KIR2DL3: variants seen among roughly 807,000 people sequenced by gnomAD.
KIR2DL3 encodes killer cell immunoglobulin like receptor, two Ig domains and long cytoplasmic tail 3.
KIR2DL3 carries 39 observed loss-of-function variants against 33.8 expected under a neutral mutation model. The observed-to-expected ratio is 1.15, with a 90% CI of 0.89 to 1.51. The LOEUF (loss-of-function observed/expected upper bound fraction) is 1.51, where lower values mean the gene tolerates loss of function less well. KIR2DL3 is among the 40% of genes most tolerant of loss of function. KIR2DL3 has a pLI of 0.00. For missense variants in KIR2DL3, 462 were observed against 426.2 expected (o/e 1.08, Z -0.74); for synonymous variants, 174 against 160.2 (o/e 1.09, Z -0.65).
In KIR2DL3 at chr19:54,752,435, A is replaced by G. The variant is rs746014940; in HGVS notation, c.942A>G (p.Arg314=). ...AQLNHCVFTQ[R]KITRPSQRPK... is the part of the protein sequence containing the mutation. ...TGAATCACTGCGTTTTCACACAGAGAAAAATCACTCGCCCTTCTCAGAGGC... is the reference window on the plus strand; with the variant it reads ...TGAATCACTGCGTTTTCACACAGAGGAAAATCACTCGCCCTTCTCAGAGGC... The change falls in exon 8 of 8, where the codon AGA becomes AGG. Residue 314 remains arginine, a synonymous_variant. Transcript: ENST00000342376. 27 of 1,467,338 alleles carry G rather than the reference A, an allele frequency of 1.8e-5. 5 individuals are homozygous for G. Among genetic ancestry groups the G allele is most frequent in the Non-Finnish European group, 4.6e-6 (5 of 1,078,392 alleles). 90.9% of individuals were successfully genotyped at this position (1,467,338 alleles called of 1,614,324 possible).
chr19:54,743,015 G>A (rs1442798251), intron 3 of KIR2DL3, among the ~76,000 whole-genome samples: 1 of 151,846 alleles, frequency 6.6e-6, no homozygotes, highest in African/African-American at 2.4e-5. Context: ...AATGATGGCA[G>A]GGAGCAGAGA....
chr19:54,744,954 A>ATATTTTT (rs1398407460), intron 4 of KIR2DL3, among the ~76,000 whole-genome samples: 12 of 31,270 alleles, frequency 3.8e-4, no homozygotes, highest in Non-Finnish European at 6.0e-4. Context: ...ATATATATAT[A>ATATTTTT]TTTTTTTTTT....
In KIR2DL3 at chr19:54,752,143, G is replaced by A. The variant is rs1375178132; in HGVS notation, c.821-73G>A. ...AGGCTCCTATGGTCTCCCCCTGTAT[G>A]TTGGTATCTGCTTATGAAATGAGGG... On this transcript the variant is annotated intron_variant, in intron 6 of 7. Transcript: ENST00000342376. The A allele has an allele frequency of 4.3e-6, 6 of 1,401,834 alleles. 1 individual carries two copies. The Admixed American group carries it at 1.1e-4, about 26-fold the overall frequency. 86.8% of individuals were successfully genotyped at this position (1,401,834 alleles called of 1,614,324 possible).
At chr19:54,743,552 C>T (rs1454080115) in intron 3 of KIR2DL3, among the ~76,000 whole-genome samples, 2 of 152,040 alleles carry the variant, frequency 1.3e-5, no homozygotes, top group Admixed American at 6.5e-5. Context: ...CAAGGAGAGT[C>T]AGAGAGAATA....
rs1341805707 is a variant in KIR2DL3 at position 54,744,088 on chromosome 19, G to C, written c.664G>C (p.Gly222Arg). The change falls in exon 4 of 8, where the codon GGA (glycine) becomes CGA (arginine). Residue 222 changes from glycine to arginine, a missense_variant and splice_region_variant. Transcript: ENST00000342376. ...SSDPLLVSVT[G>R]NPSNSWPSPT... ...TGACCCACTGCTTGTTTCTGTCACA[G>C]GTGAGGAAACCCCATATCTGTCTCA... The C allele has an allele frequency of 1.9e-6, 3 of 1,614,052 alleles. No individual in the cohort carries two copies. Among genetic ancestry groups the C allele is most frequent in the African/African-American group, 2.7e-5 (2 of 74,944 alleles).
At chr19:54,749,315 C>G (rs1384982784) in intron 5 of KIR2DL3, among the ~76,000 whole-genome samples, 1 of 147,966 alleles carries the variant, frequency 6.8e-6, no homozygotes, top group Non-Finnish European at 1.5e-5. Flanking sequence ...ATAAGGGAGG[C>G]TCAGTTGCAT....
At chr19:54,745,239 C>G (rs1181935137) in intron 4 of KIR2DL3, among the ~76,000 whole-genome samples, 94 of 152,170 alleles carry the variant, frequency 6.2e-4, no homozygotes, top group African/African-American at 2.0e-3. Context: ...CTACTGTGAA[C>G]AGTGCTGCAC....
chr19:54,746,999 A>T (rs1393069028), intron 4 of KIR2DL3, among the ~76,000 whole-genome samples: 74 of 133,868 alleles, frequency 5.5e-4, no homozygotes, highest in Middle Eastern at 4.1e-3. Flanking sequence ...AAAAGAAAAA[A>T]ACATTGGAGG....
In KIR2DL3 at chr19:54,752,916, G is replaced by C. The variant is rs189169456; in HGVS notation, c.*397G>C. ...CTCTTAACACGGCACTTAGACACGTGCTGTTCCACCTTCCCTCATGCTGTT... is the reference window on the plus strand; with the variant it reads ...CTCTTAACACGGCACTTAGACACGTCCTGTTCCACCTTCCCTCATGCTGTT... On this transcript the variant is annotated 3_prime_UTR_variant, in exon 8 of 8. Coordinates refer to ENST00000342376, the MANE Select transcript of KIR2DL3 (RefSeq NM_015868.3). 2.9e-3 allele frequency: 925 copies of C among 319,634 alleles called. 60 individuals are homozygous for C. Among genetic ancestry groups the C allele is most frequent in the Non-Finnish European group, 3.6e-3 (613 of 169,790 alleles). The allele number at this position is 319,634 out of a possible 1,614,324, so 19.8% of individuals were successfully genotyped here. A position where few individuals can be genotyped will look rare whatever the true frequency, so the allele number is the denominator to read the frequency against.
rs35100980 is a variant in KIR2DL3 at position 54,752,350 on chromosome 19, C to G, written c.874-17C>G. 549,980 of 1,448,544 alleles carry G rather than the reference C, an allele frequency of 0.38. 172,594 individuals are homozygous for G. The highest frequency in any genetic ancestry group is 0.42 in the Non-Finnish European group (443,406 of 1,065,420). 89.7% of individuals were successfully genotyped at this position (1,448,544 alleles called of 1,614,324 possible). ...AATGTGAGCACCCTCCCTCACTCAG[C>G]ATTTCCCTCTCTCCAGGACTCTGAT... On this transcript the variant is annotated splice_polypyrimidine_tract_variant and intron_variant, in intron 7 of 7. Coordinates refer to ENST00000342376, the MANE Select transcript of KIR2DL3 (RefSeq NM_015868.3).
chr19:54,750,820 A>G (rs7260102), intron 5 of KIR2DL3, among the ~76,000 whole-genome samples: 3,420 of 106,874 alleles, frequency 0.032, 117 homozygotes, highest in South Asian at 0.074. Context: ...CAGAAAAGCT[A>G]CTCGGGACAT....
intron 1 of KIR2DL3, among the ~76,000 whole-genome samples, 188 bp from the exon 2 acceptor site, chr19:54,739,319 G>A (rs2070514144): frequency 6.6e-6 from 1 of 152,110 alleles, no homozygotes; most frequent in Non-Finnish European, 1.5e-5. Context: ...TTGGGGTGGG[G>A]ATATGGGCCT....
chr19:54,739,352 C>T (rs980020541), intron 1 of KIR2DL3, among the ~76,000 whole-genome samples, 155 bp from the exon 2 acceptor site: 15 of 151,830 alleles, frequency 9.9e-5, no homozygotes, highest in East Asian at 3.9e-4. Flanking sequence ...TCTGCACAGC[C>T]GACAGCCCTG....
intron 5 of KIR2DL3, among the ~76,000 whole-genome samples, 175 bp downstream of exon 5, chr19:54,747,560 G>T (rs1473125492): frequency 6.6e-6 from 1 of 152,144 alleles, no homozygotes; most frequent in Non-Finnish European, 1.5e-5. Flanking sequence ...AGGGCTCAGT[G>T]AAATCTCTTA....
intron 2 of KIR2DL3, 23 bp from the exon 3 acceptor site, chr19:54,741,957 A>G (rs2071209326): frequency 6.3e-7 from 1 of 1,586,784 alleles, no homozygotes; most frequent in Non-Finnish European, 8.6e-7. Flanking sequence ...GACACCTTCT[A>G]AACTCACAAC....
chr19:54,751,438 T>A (rs2073403327), intron 5 of KIR2DL3, among the ~76,000 whole-genome samples: 1 of 133,088 alleles, frequency 7.5e-6, no homozygotes, highest in Non-Finnish European at 1.6e-5. Context: ...GGGTCAAACA[T>A]CTCAACTAAA....
intron 2 of KIR2DL3, among the ~76,000 whole-genome samples, chr19:54,740,810 G>T (rs1454257076): frequency 6.6e-6 from 1 of 152,128 alleles, no homozygotes; most frequent in African/African-American, 2.4e-5. Context: ...TGGGGAGACA[G>T]CCTGGACTGT....
chr19:54,746,426 A>G (rs1391213241), intron 4 of KIR2DL3, among the ~76,000 whole-genome samples: 16 of 146,500 alleles, frequency 1.1e-4, no homozygotes, highest in Non-Finnish European at 2.1e-4. Flanking sequence ...TTTTGCTTCG[A>G]TTACTTGTGT....
intron 5 of KIR2DL3, among the ~76,000 whole-genome samples, chr19:54,749,223 G>C (rs1459252738): frequency 6.7e-6 from 1 of 150,138 alleles, no homozygotes; most frequent in East Asian, 1.9e-4. Flanking sequence ...GCAACAAGGA[G>C]TGTGTGTTTG....
Sources: gnomAD v4.1 joint callset for allele counts (sites outside exome capture counted in the v4.1 genomes callset) on GRCh38, gnomAD v4.1.1 for gene constraint, MANE v1.5 for transcripts, NCBI Gene and HGNC (gene_info 2026-07-23, HGNC 2026-07-21) for gene names.